RPS6KC1: variants seen among roughly 807,000 people sequenced by gnomAD.
The protein encoded by RPS6KC1 is inactive ribosomal protein S6 kinase delta-1.
A neutral mutation model predicts 103.8 loss-of-function variants in RPS6KC1; 54 were observed. That is an observed-to-expected ratio of 0.52 (90% CI 0.42 to 0.65). The LOEUF (loss-of-function observed/expected upper bound fraction) is 0.65. Ranked by LOEUF, RPS6KC1 falls within the 30% of genes least tolerant of loss-of-function variation. The probability of loss-of-function intolerance (pLI) is 0.00; values close to 1 mark genes in which losing one functional copy is unlikely to be tolerated. For synonymous variants in RPS6KC1, 439 were observed against 438.7 expected (o/e 1.00, Z -0.01); for missense variants, 1,151 against 1,253.8 (o/e 0.92, Z 1.24).
In RPS6KC1 at chr1:213,238,740, T is replaced by C. The variant is rs184995422; in HGVS notation, c.1226-1962T>C. Among the ~76,000 whole-genome samples, 277 of 152,324 alleles carry C rather than the reference T, an allele frequency of 1.8e-3. 1 individual carries two copies. Among genetic ancestry groups the C allele is most frequent in the South Asian group, 0.015 (72 of 4,830 alleles). ...CATTTCTTGCTGGTCAGTGGAACTT[T>C]ATGGATTGCTTATACGGTACATCTC... On this transcript the variant is annotated intron_variant, in intron 10 of 14. Coordinates refer to ENST00000366960, the MANE Select transcript of RPS6KC1 (RefSeq NM_012424.6).
At chr1:213,225,994 C>T (rs1402781894) in intron 8 of RPS6KC1, among the ~76,000 whole-genome samples, 4 of 151,726 alleles carry the variant, frequency 2.6e-5, no homozygotes, top group Non-Finnish European at 5.9e-5. Context: ...GATGCCGAGG[C>T]GGGCGGATCA....
the RPS6KC1 span, among the ~76,000 whole-genome samples, chr1:213,485,435 G>A: frequency 6.6e-6 from 1 of 152,012 alleles, no homozygotes; most frequent in Non-Finnish European, 1.5e-5. Context: ...TTCTTTCTAT[G>A]GAGGTAAATG....
chr1:213,243,945 A>G (rs2094408795), intron 12 of RPS6KC1, among the ~76,000 whole-genome samples: 1 of 152,204 alleles, frequency 6.6e-6, no homozygotes, highest in Non-Finnish European at 1.5e-5. Flanking sequence ...TCTGCAGTAG[A>G]GAATACCAAA....
chr1:213,200,076 G>C (rs4393210), intron 8 of RPS6KC1, among the ~76,000 whole-genome samples: 68,567 of 152,046 alleles, frequency 0.45, 19,210 homozygotes, highest in Non-Finnish European at 0.62. Context: ...GCAGTTTATA[G>C]ATAATGCTAT....
At chr1:213,374,680 G>GA in the RPS6KC1 span, among the ~76,000 whole-genome samples, 1 of 152,244 alleles carries the variant, frequency 6.6e-6, no homozygotes, top group South Asian at 2.1e-4. Flanking sequence ...AAAGGTGGTA[G>GA]AAGTTTTCCT....
chr1:213,806,395 T>C, the RPS6KC1 span, among the ~76,000 whole-genome samples: 1 of 152,220 alleles, frequency 6.6e-6, no homozygotes, highest in South Asian at 2.1e-4. Flanking sequence ...TAAACAGATA[T>C]GCTCTCATCC....
the RPS6KC1 span, among the ~76,000 whole-genome samples, chr1:213,341,303 T>C: frequency 6.6e-6 from 1 of 152,320 alleles, no homozygotes; most frequent in East Asian, 1.9e-4. Flanking sequence ...GACTGATGAC[T>C]CCAAGGATTG....
intron 3 of RPS6KC1, among the ~76,000 whole-genome samples, chr1:213,083,494 G>A (rs1176397864): frequency 6.6e-6 from 1 of 152,184 alleles, no homozygotes; most frequent in Non-Finnish European, 1.5e-5. Flanking sequence ...TAGAGGGGAG[G>A]TAACTTGTCT....
the RPS6KC1 span, among the ~76,000 whole-genome samples, chr1:213,641,198 A>C: frequency 6.6e-6 from 1 of 151,836 alleles, no homozygotes; most frequent in South Asian, 2.1e-4. Context: ...TGCTCTTTCA[A>C]GCACTTTTAT....
At chr1:213,374,336 T>G in the RPS6KC1 span, among the ~76,000 whole-genome samples, 7 of 152,236 alleles carry the variant, frequency 4.6e-5, no homozygotes, top group Admixed American at 2.0e-4. Flanking sequence ...TAACTTTTAT[T>G]TATCCCAGTG....
the RPS6KC1 span, among the ~76,000 whole-genome samples, chr1:213,808,584 C>G: frequency 6.6e-6 from 1 of 152,232 alleles, no homozygotes; most frequent in Non-Finnish European, 1.5e-5. Context: ...CCCTCCGAGC[C>G]AGGTGCAGGA....
At chr1:213,223,910 A>G (rs1318308835) in intron 8 of RPS6KC1, among the ~76,000 whole-genome samples, 1 of 152,182 alleles carries the variant, frequency 6.6e-6, no homozygotes, top group Non-Finnish European at 1.5e-5. Context: ...CCCTGAAATT[A>G]CCCAAGTAAT....
At chr1:213,213,125 A>G (rs1297146913) in intron 8 of RPS6KC1, among the ~76,000 whole-genome samples, 1 of 152,208 alleles carries the variant, frequency 6.6e-6, no homozygotes, top group African/African-American at 2.4e-5. Flanking sequence ...CTTTGATATT[A>G]TCTCAGAAAA....
chr1:213,052,051 G>T (rs1033930347), intron 1 of RPS6KC1, among the ~76,000 whole-genome samples: 6 of 152,016 alleles, frequency 3.9e-5, no homozygotes, highest in Admixed American at 3.9e-4. Flanking sequence ...AGTAGGAGAC[G>T]TGAAAAAAAT....
At chr1:213,726,707 TA>T in the RPS6KC1 span, among the ~76,000 whole-genome samples, 1 of 152,250 alleles carries the variant, frequency 6.6e-6, no homozygotes, top group Non-Finnish European at 1.5e-5. Flanking sequence ...TGTATCTACC[TA>T]AGCTGAGAGG....
chr1:213,500,475 A>G, the RPS6KC1 span, among the ~76,000 whole-genome samples: 1 of 152,230 alleles, frequency 6.6e-6, no homozygotes, highest in African/African-American at 2.4e-5. Context: ...ACTTTAAAAT[A>G]GTGATAAAAA....
At chr1:213,295,369 AAT>A in the RPS6KC1 span, among the ~76,000 whole-genome samples, 1 of 152,174 alleles carries the variant, frequency 6.6e-6, no homozygotes, top group Non-Finnish European at 1.5e-5. Flanking sequence ...TAAGGTAGTT[AAT>A]GATCTCTAAG....
At chr1:213,292,361 A>G in the RPS6KC1 span, among the ~76,000 whole-genome samples, 2 of 152,228 alleles carry the variant, frequency 1.3e-5, no homozygotes, top group African/African-American at 4.8e-5. Context: ...CAGCAAGGGA[A>G]TATCTGAACC....
At chr1:213,607,533 T>C in the RPS6KC1 span, among the ~76,000 whole-genome samples, 4 of 152,118 alleles carry the variant, frequency 2.6e-5, no homozygotes, top group Non-Finnish European at 4.4e-5. Context: ...AGGTGGAGAA[T>C]ATGGGGACCA....
Sources: allele counts gnomAD v4.1 joint callset (sites outside exome capture counted in the v4.1 genomes callset), GRCh38; gene constraint gnomAD v4.1.1; transcripts MANE v1.5; gene names NCBI Gene and HGNC (gene_info 2026-07-23, HGNC 2026-07-21).